The following VPS41 variants were observed in gnomAD, a reference collection of about 807,000 sequenced individuals.
VPS41 encodes VPS41 subunit of HOPS complex.
Under a neutral mutation model 130.9 loss-of-function variants are expected in VPS41, and 85 were observed. The ratio of observed to expected loss-of-function variants is 0.65; its 90% CI spans 0.55 to 0.78. VPS41 has a LOEUF of 0.78. Ranked by LOEUF, VPS41 falls within the 30% of genes least tolerant of loss-of-function variation. The pLI, the probability that VPS41 is intolerant of heterozygous loss-of-function variation, is 0.00. For synonymous variants in VPS41, 335 were observed against 332.9 expected (o/e 1.01, Z -0.07); for missense variants, 874 against 1,018.7 (o/e 0.86, Z 1.93).
At chr7:38,841,315 T>C (rs1260897464) in intron 4 of VPS41, among the ~76,000 whole-genome samples, 1 of 152,212 alleles carries the variant, frequency 6.6e-6, no homozygotes, top group African/African-American at 2.4e-5. Flanking sequence ...AGTTACCATT[T>C]TTGCCAATTG....
At chr7:38,771,117 G>T in intron 14 of VPS41, 81 bp downstream of exon 14, 1 of 1,026,608 alleles carries the variant, frequency 9.7e-7, no homozygotes, top group Non-Finnish European at 1.5e-6. Flanking sequence ...GGAAAAACCT[G>T]TTCTTTTCAA....
chr7:38,740,620 C>A (rs1242982009), intron 25 of VPS41, among the ~76,000 whole-genome samples: 1 of 152,190 alleles, frequency 6.6e-6, no homozygotes, highest in African/African-American at 2.4e-5. Context: ...TAATCTACTT[C>A]TTTGGCTTAA....
Position 38,752,306 on chromosome 7 carries a change from T to A in VPS41, c.1796A>T (p.His599Leu). The change falls in exon 22 of 29, where the codon CAT (histidine) becomes CTT (leucine). Residue 599 changes from histidine (H) to leucine (L), a missense_variant. Physicochemically the swap from His to Leu is moderately conservative, Grantham distance 99. Coordinates refer to ENST00000310301, the MANE Select transcript of VPS41 (RefSeq NM_014396.4). ...ATGGTGGTCTCTCTTGAAAAGCTTATGCAAATACTAAAAGGAACAAAAGAT... is the reference window on the plus strand; with the variant it reads ...ATGGTGGTCTCTCTTGAAAAGCTTAAGCAAATACTAAAAGGAACAAAAGAT... The part of the protein sequence containing the change: ...DRPELQHVYL[H>L]KLFKRDHHKG... 1.2e-6 allele frequency: 2 copies of A among 1,613,718 alleles called. No homozygotes were observed. Among genetic ancestry groups the A allele is most frequent in the Non-Finnish European group, 1.7e-6 (2 of 1,179,768 alleles).
chr7:38,875,012 A>G (rs2116359259), intron 2 of VPS41, among the ~76,000 whole-genome samples: 1 of 152,180 alleles, frequency 6.6e-6, no homozygotes, highest in Non-Finnish European at 1.5e-5. Flanking sequence ...TGCTATTACT[A>G]TTAAGAGGAG....
At chr7:38,905,978 T>G (rs1337010803) in intron 1 of VPS41, among the ~76,000 whole-genome samples, 1 of 151,964 alleles carries the variant, frequency 6.6e-6, no homozygotes, top group East Asian at 1.9e-4. Context: ...GTATTTTTAG[T>G]AGTGACGGGG....
intron 7 of VPS41, among the ~76,000 whole-genome samples, chr7:38,811,619 ACC>A (rs1491090434): frequency 1.4e-5 from 2 of 140,286 alleles, no homozygotes; most frequent in Non-Finnish European, 3.1e-5. Flanking sequence ...ACACACACAC[ACC>A]CCTCCATATA....
intron 14 of VPS41, among the ~76,000 whole-genome samples, chr7:38,769,825 C>A (rs1236984227): frequency 6.6e-6 from 1 of 152,214 alleles, no homozygotes; most frequent in Non-Finnish European, 1.5e-5. Flanking sequence ...TCTCAGCTGG[C>A]CCTCCTCTGG....
chr7:38,790,105 G>A (rs1784509083), intron 9 of VPS41, among the ~76,000 whole-genome samples: 1 of 152,150 alleles, frequency 6.6e-6, no homozygotes. Flanking sequence ...TTCCTGGTGA[G>A]ACTGAACCTG....
intron 17 of VPS41, among the ~76,000 whole-genome samples, chr7:38,761,316 C>G (rs1471724115): frequency 2.4e-5 from 3 of 127,278 alleles, no homozygotes; most frequent in African/African-American, 8.7e-5. Flanking sequence ...CGCTCTGTCG[C>G]CCAGGCTGGA....
At chr7:38,793,321 C>T (rs1191868762) in intron 9 of VPS41, among the ~76,000 whole-genome samples, 1 of 152,136 alleles carries the variant, frequency 6.6e-6, no homozygotes, top group East Asian at 1.9e-4. Flanking sequence ...GGTCCAATTG[C>T]ACACTTTATT....
At chr7:38,763,416 T>A (rs748853169) in intron 17 of VPS41, 39 bp downstream of exon 17, 15 of 1,405,836 alleles carry the variant, frequency 1.1e-5, no homozygotes, top group Non-Finnish European at 1.4e-5. Context: ...ACACCTCCCA[T>A]CGAGAACAAG....
intron 4 of VPS41, among the ~76,000 whole-genome samples, chr7:38,860,260 C>T (rs1482352710): frequency 1.3e-5 from 2 of 152,130 alleles, no homozygotes; most frequent in Non-Finnish European, 2.9e-5. Flanking sequence ...TCAAGCTCAA[C>T]CAAAGACATG....
At position 38,774,196 on chromosome 7, in the gene VPS41, A is replaced by T; in HGVS notation, c.931T>A (p.Ser311Thr). The T allele has an allele frequency of 6.2e-7, 1 of 1,609,644 alleles. No individual in the cohort carries two copies. The highest frequency in any genetic ancestry group is 8.5e-7 in the Non-Finnish European group (1 of 1,176,742). ...RPRLDIIQPL[S>T]ETCEEISSDA... ...GAAGAGATCTCTTCACAAGTCTCAG[A>T]AAGTGGCTGGATGATGTCCAGTCTA... The change falls in exon 12 of 29, where the codon TCT (serine) becomes ACT (threonine). Residue 311 changes from serine to threonine, a missense_variant. Transcript: ENST00000310301.
At chr7:38,895,618 T>C (rs773117285) in intron 2 of VPS41, among the ~76,000 whole-genome samples, 19 of 152,196 alleles carry the variant, frequency 1.2e-4, no homozygotes, top group Admixed American at 9.2e-4. Flanking sequence ...CATTTTCTTT[T>C]CTAGGAGGCA....
chr7:38,844,384 A>T (rs1440757631), intron 4 of VPS41, among the ~76,000 whole-genome samples: 1 of 152,244 alleles, frequency 6.6e-6, no homozygotes, highest in African/African-American at 2.4e-5. Flanking sequence ...CTAACTTCTA[A>T]CATAGACTGA....
intron 4 of VPS41, among the ~76,000 whole-genome samples, chr7:38,834,480 A>G (rs998703516): frequency 1.3e-5 from 2 of 152,188 alleles, no homozygotes; most frequent in South Asian, 4.1e-4. Context: ...GGGAGCACAC[A>G]CAGGTTGTAA....
chr7:38,733,953 G>A (rs961585298), intron 25 of VPS41, among the ~76,000 whole-genome samples: 5 of 152,172 alleles, frequency 3.3e-5, no homozygotes, highest in Non-Finnish European at 5.9e-5. Flanking sequence ...AGGCATAGTG[G>A]CGCATGCCTG....
rs200667486 is a variant in VPS41 at position 38,862,614 on chromosome 7, T to C, written c.177A>G (p.Ala59=). 3 of 1,604,898 alleles carry C rather than the reference T, an allele frequency of 1.9e-6. No homozygotes were observed. Among genetic ancestry groups the C allele is most frequent in the African/African-American group, 1.3e-5 (1 of 74,674 alleles). The change falls in exon 4 of 29, where the codon GCA becomes GCG. Residue 59 remains alanine, a synonymous_variant. Transcript: ENST00000310301. ...AAACCTTGCCATAATGTGTGCCCAA[T>C]GCCAAAAACTGTAAGAAGAACAAAG... is the stretch of plus-strand genomic sequence containing the variant. The part of the protein sequence containing the change: ...SCMTVHDKFL[A]LGTHYGKVYL...
Position 38,748,279 on chromosome 7 carries a change from A to T in VPS41, c.1927-2666T>A, listed in dbSNP as rs560132195. ...AATAGAAGTGAAAAATCAGAATAAT[A>T]ATAGAACTTGAGTAAAAAATGATGC... On this transcript the variant is annotated intron_variant, in intron 22 of 28. Coordinates refer to ENST00000310301, the MANE Select transcript of VPS41 (RefSeq NM_014396.4). 2.2e-4 allele frequency among the ~76,000 whole-genome samples: 34 copies of T among 152,300 alleles called. No individual in the cohort carries two copies. In the South Asian group the frequency reaches 2.7e-3, roughly 12 times the overall value.
Sources: gnomAD v4.1 joint callset for allele counts (sites outside exome capture counted in the v4.1 genomes callset) on GRCh38, gnomAD v4.1.1 for gene constraint, MANE v1.5 for transcripts, NCBI Gene and HGNC (gene_info 2026-07-23, HGNC 2026-07-21) for gene names.